VSTM1: variants seen among roughly 807,000 people sequenced by gnomAD.
VSTM1 encodes V-set and transmembrane domain-containing protein 1.
Under a neutral mutation model 33.1 loss-of-function variants are expected in VSTM1, and 27 were observed. The observed-to-expected ratio is 0.82, with a 90% CI of 0.60 to 1.12. The LOEUF is 1.12. Among genes scored for constraint, VSTM1 ranks in the 50% most tolerant of loss-of-function variants. The probability of loss-of-function intolerance (pLI) is 0.00; values close to 1 mark genes in which losing one functional copy is unlikely to be tolerated. For missense variants in VSTM1, 304 were observed against 288.9 expected (o/e 1.05, Z -0.38); for synonymous variants, 115 against 110.3 (o/e 1.04, Z -0.27).
chr19:54,051,596 G>A, intron 3 of VSTM1, 148 bp from the exon 4 acceptor site: 1 of 585,428 alleles, frequency 1.7e-6, no homozygotes, highest in Non-Finnish European at 2.9e-6. Flanking sequence ...TGCTCCCTGG[G>A]TCCTCAGAGC....
chr19:54,053,342 C>G (rs2070944182), intron 3 of VSTM1, among the ~76,000 whole-genome samples: 1 of 142,244 alleles, frequency 7.0e-6, no homozygotes, highest in Non-Finnish European at 1.6e-5. Flanking sequence ...GGTGTTCATG[C>G]CTTTGTCTAA....
At chr19:54,041,183 T>A in intron 8 of VSTM1, 103 bp from the exon 9 acceptor site, 1 of 1,290,804 alleles carries the variant, frequency 7.7e-7, no homozygotes, top group Non-Finnish European at 1.0e-6. Flanking sequence ...AAATTTAATT[T>A]AAAACCCAGG....
intron 4 of VSTM1, among the ~76,000 whole-genome samples, chr19:54,049,889 A>T (rs958712666): frequency 6.6e-6 from 1 of 152,106 alleles, no homozygotes; most frequent in South Asian, 2.1e-4. Flanking sequence ...GAAAGGAAGG[A>T]TGATTAAGCA....
chr19:54,055,952 T>C lies in VSTM1; in HGVS notation c.355+2354A>G, dbSNP rs1234687752. The stretch of plus-strand genomic sequence containing the variant: ...TAACATCTTGGGGCCTTGCTGCCCT[T>C]GGTGGGACCTCCCCTCGCAGGGTTA... On this transcript the variant is annotated intron_variant, in intron 3 of 8. Coordinates refer to ENST00000338372, the MANE Select transcript of VSTM1 (RefSeq NM_198481.4). Among the ~76,000 whole-genome samples the C allele has an allele frequency of 2.1e-5, 3 of 141,660 alleles. 1 individual carries two copies. The highest frequency in any genetic ancestry group is 7.8e-5 in the African/African-American group (3 of 38,380). 92.9% of individuals were successfully genotyped at this position (141,660 alleles called of 152,430 possible).
intron 1 of VSTM1, 47 bp downstream of exon 1, chr19:54,063,697 T>G (rs1323519177): frequency 1.2e-6 from 2 of 1,610,176 alleles, no homozygotes; most frequent in African/African-American, 2.7e-5. Flanking sequence ...CCCACATGAG[T>G]TTTTCTCACC....
chr19:54,063,632 G>T, intron 1 of VSTM1, 112 bp downstream of exon 1: 2 of 1,341,542 alleles, frequency 1.5e-6, no homozygotes, highest in Non-Finnish European at 2.1e-6. Flanking sequence ...CCGCAGGTGT[G>T]CAACACCTGG....
At chr19:54,061,470 T>C (rs1289437436) in intron 1 of VSTM1, among the ~76,000 whole-genome samples, 1 of 152,080 alleles carries the variant, frequency 6.6e-6, no homozygotes, top group Admixed American at 6.6e-5. Context: ...TCTAATCCAA[T>C]ATAACTTACA....
intron 4 of VSTM1, among the ~76,000 whole-genome samples, chr19:54,042,804 G>GTGTA (rs1433631959): frequency 4.4e-5 from 2 of 45,524 alleles, no homozygotes; most frequent in East Asian, 1.2e-3. Flanking sequence ...ATATATAAAT[G>GTGTA]TGTATATATA....
At chr19:54,052,922 C>T in intron 3 of VSTM1, 2 of 151,622 alleles carry the variant, frequency 1.3e-5, no homozygotes, top group African/African-American at 3.3e-5. Flanking sequence ...GTCAAGGCTG[C>T]AGTGAGCTGT....
chr19:54,045,037 T>C (rs2070502656), intron 4 of VSTM1, among the ~76,000 whole-genome samples: 1 of 152,154 alleles, frequency 6.6e-6, no homozygotes. Flanking sequence ...GAATTTTTCC[T>C]AGGTGTGCAA....
intron 6 of VSTM1, 59 bp from the exon 7 acceptor site, chr19:54,042,012 G>A: frequency 6.2e-7 from 1 of 1,609,598 alleles, no homozygotes; most frequent in Non-Finnish European, 8.5e-7. Context: ...GAGAGGGTGA[G>A]GGCAATGGAG....
Position 54,040,889 on chromosome 19 carries a change from T to G in VSTM1, c.*72A>C, listed in dbSNP as rs2070217719. 1 of 1,557,550 alleles carries G rather than the reference T, an allele frequency of 6.4e-7. No homozygotes were observed. The highest frequency in any genetic ancestry group is 2.1e-5 in the Admixed American group (1 of 48,742). On this transcript the variant is annotated 3_prime_UTR_variant, in exon 9 of 9. Coordinates refer to ENST00000338372, the MANE Select transcript of VSTM1 (RefSeq NM_198481.4). ...ACGAAGAGCAAGGAAACACAGTATCTGCATCTCCAGATTTCCGATAACCTT... is the reference window on the plus strand; with the variant it reads ...ACGAAGAGCAAGGAAACACAGTATCGGCATCTCCAGATTTCCGATAACCTT...
In VSTM1 at chr19:54,058,551, G is replaced by T. The variant is rs375946590; in HGVS notation, c.110C>A (p.Ser37Ter). 2 of 1,613,562 alleles carry T rather than the reference G, an allele frequency of 1.2e-6. No homozygotes were observed. Among genetic ancestry groups the T allele is most frequent in the Non-Finnish European group, 1.7e-6 (2 of 1,179,890 alleles). The change falls in exon 3 of 9, where the codon TCG becomes TAG. Residue 37 changes from serine to a stop codon, truncating the protein, a stop_gained. Transcript: ENST00000338372. LOFTEE classifies it high-confidence loss of function. Reference protein sequence around the residue: ...PKPSLHAWPSSVVEAESNVTL... With the variant: ...PKPSLHAWPS ...CACATTGCTCTCGGCTTCAACCACC[G>T]AGCTGGGCCAGGCGTGGAGGGAGGG... is the stretch of plus-strand genomic sequence containing the variant.
chr19:54,057,388 G>A (rs368159800), intron 3 of VSTM1, among the ~76,000 whole-genome samples: 2 of 96,554 alleles, frequency 2.1e-5, no homozygotes, highest in African/African-American at 7.5e-5. Flanking sequence ...GGTGGTGCTT[G>A]CCTGTACTCC....
At chr19:54,050,395 T>C (rs2070780762) in intron 4 of VSTM1, among the ~76,000 whole-genome samples, 2 of 152,060 alleles carry the variant, frequency 1.3e-5, no homozygotes, top group South Asian at 2.1e-4. Context: ...TATTCACCTA[T>C]TTTTGAGAAT....
In VSTM1 at chr19:54,042,806, G is replaced by GTGTATATA. The variant is rs1213654028; in HGVS notation, c.395-438_395-437insTATATACA. ...TATATGTGTGTGTATATATAAATGT[G>GTGTATATA]TATATATATATATATATATATATAT... On this transcript the variant is annotated intron_variant, in intron 4 of 8. Coordinates refer to ENST00000338372, the MANE Select transcript of VSTM1 (RefSeq NM_198481.4). Among the ~76,000 whole-genome samples, 10 of 57,952 alleles carry GTGTATATA rather than the reference G, an allele frequency of 1.7e-4. 1 individual carries two copies. In the South Asian group the frequency reaches 3.0e-3, roughly 18 times the overall value. The allele number at this position is 57,952 out of a possible 152,430, so 38.0% of individuals were successfully genotyped here.
chr19:54,041,968 C>G lies in VSTM1; in HGVS notation c.516-15G>C, dbSNP rs963365268. 14 of 1,614,044 alleles carry G rather than the reference C, an allele frequency of 8.7e-6. No homozygotes were observed. Among genetic ancestry groups the G allele is most frequent in the Admixed American group, 1.7e-5 (1 of 60,008 alleles). On this transcript the variant is annotated splice_polypyrimidine_tract_variant and intron_variant, in intron 6 of 8. Transcript: ENST00000338372. Reference sequence around the variant, plus strand: ...AATGGCTGGTTCTGAAAGAGAGAGACACACGTGAAAGGATGGGATGTGAAG... The same window carrying G: ...AATGGCTGGTTCTGAAAGAGAGAGAGACACGTGAAAGGATGGGATGTGAAG...
intron 1 of VSTM1, among the ~76,000 whole-genome samples, chr19:54,062,731 A>AG: frequency 6.6e-6 from 1 of 151,606 alleles, no homozygotes. Flanking sequence ...CAAAAAAAAA[A>AG]AAAAATGCTC....
chr19:54,052,533 T>C (rs1427714940), intron 3 of VSTM1, among the ~76,000 whole-genome samples: 1 of 142,686 alleles, frequency 7.0e-6, no homozygotes, highest in African/African-American at 2.6e-5. Flanking sequence ...GAATTTGTCT[T>C]TCTGAGTCTG....
Sources: gnomAD v4.1 joint callset for allele counts (sites outside exome capture counted in the v4.1 genomes callset) on GRCh38, gnomAD v4.1.1 for gene constraint, MANE v1.5 for transcripts, NCBI Gene and HGNC (gene_info 2026-07-23, HGNC 2026-07-21) for gene names.